Variants in ABTB3 observed in about 807,000 individuals in gnomAD.
ABTB3 encodes ankyrin repeat and BTB domain containing 3.
chr12:107,590,717 C>A, the ABTB3 span, among the ~76,000 whole-genome samples: 1 of 152,186 alleles, frequency 6.6e-6, no homozygotes, highest in Non-Finnish European at 1.5e-5. Context: ...ACACAGGGAA[C>A]TACATCTTAA....
the ABTB3 span, among the ~76,000 whole-genome samples, chr12:107,420,441 G>A: frequency 6.6e-6 from 1 of 152,186 alleles, no homozygotes; most frequent in African/African-American, 2.4e-5. Flanking sequence ...GCAGGCAAGA[G>A]AGCATGTGCA....
chr12:107,498,315 C>T, the ABTB3 span, among the ~76,000 whole-genome samples: 1 of 152,202 alleles, frequency 6.6e-6, no homozygotes, highest in Non-Finnish European at 1.5e-5. Context: ...GTCTGGACTT[C>T]TAGGAAGATA....
At chr12:107,546,050 T>A in the ABTB3 span, among the ~76,000 whole-genome samples, 2 of 152,204 alleles carry the variant, frequency 1.3e-5, no homozygotes, top group African/African-American at 4.8e-5. Context: ...TGATTCTTCT[T>A]CTCCTAGCAT....
chr12:107,341,356 A>G, the ABTB3 span, among the ~76,000 whole-genome samples: 1 of 152,170 alleles, frequency 6.6e-6, no homozygotes. Flanking sequence ...GGAGTCTAGC[A>G]GTGAATGAGA....
the ABTB3 span, chr12:107,651,641 C>A: frequency 6.6e-7 from 1 of 1,526,668 alleles, no homozygotes; most frequent in South Asian, 1.1e-5. Context: ...ATCCACCTCC[C>A]AGCCTCTAAC....
chr12:107,485,070 A>G, the ABTB3 span, among the ~76,000 whole-genome samples: 1 of 152,158 alleles, frequency 6.6e-6, no homozygotes, highest in Non-Finnish European at 1.5e-5. Flanking sequence ...GCATGTAAGA[A>G]CCATAAGCTG....
the ABTB3 span, chr12:107,319,439 G>T: frequency 6.2e-7 from 1 of 1,607,452 alleles, no homozygotes; most frequent in Non-Finnish European, 8.5e-7. Context: ...GAGCGCCATG[G>T]AGATCGTGCT....
the ABTB3 span, among the ~76,000 whole-genome samples, chr12:107,376,482 C>A: frequency 6.6e-6 from 1 of 152,134 alleles, no homozygotes; most frequent in Non-Finnish European, 1.5e-5. Flanking sequence ...TTATATTCAC[C>A]CTAACACCTC....
the ABTB3 span, among the ~76,000 whole-genome samples, chr12:107,422,520 A>T: frequency 2.0e-5 from 3 of 152,364 alleles, no homozygotes; most frequent in African/African-American, 7.2e-5. Flanking sequence ...GTAGAAAGAT[A>T]AGAGGGAAAC....
the ABTB3 span, among the ~76,000 whole-genome samples, chr12:107,530,629 T>G: frequency 6.6e-6 from 1 of 152,242 alleles, no homozygotes; most frequent in Non-Finnish European, 1.5e-5. Flanking sequence ...CTACTTAACA[T>G]TTTAATATGA....
the ABTB3 span, among the ~76,000 whole-genome samples, chr12:107,469,930 CTCTCTTTCTT>C: frequency 1.0e-5 from 1 of 99,754 alleles, no homozygotes; most frequent in South Asian, 3.2e-4. Flanking sequence ...TTCTCTCTCT[CTCTCTTTCTT>C]TCTCTTTCTT....
the ABTB3 span, among the ~76,000 whole-genome samples, chr12:107,324,944 G>C: frequency 6.6e-6 from 1 of 152,110 alleles, no homozygotes; most frequent in African/African-American, 2.4e-5. Context: ...GTACAGTGAG[G>C]ATTACAAAAC....
At chr12:107,328,243 T>G in the ABTB3 span, among the ~76,000 whole-genome samples, 1 of 152,202 alleles carries the variant, frequency 6.6e-6, no homozygotes, top group Non-Finnish European at 1.5e-5. Flanking sequence ...ATGAATTTGC[T>G]TAAGGTGACA....
chr12:107,477,897 G>A, the ABTB3 span, among the ~76,000 whole-genome samples: 1 of 152,246 alleles, frequency 6.6e-6, no homozygotes, highest in African/African-American at 2.4e-5. Context: ...GGAAAACCTA[G>A]TCAGTTATAC....
chr12:107,343,588 A>G, the ABTB3 span, among the ~76,000 whole-genome samples: 1 of 152,168 alleles, frequency 6.6e-6, no homozygotes, highest in African/African-American at 2.4e-5. Flanking sequence ...CTCTTTTACA[A>G]CAGTCCAAGG....
the ABTB3 span, among the ~76,000 whole-genome samples, chr12:107,352,789 A>G: frequency 0.23 from 35,102 of 152,048 alleles, 4,819 homozygotes; most frequent in South Asian, 0.37. Context: ...TGGGCAGAGA[A>G]GAGATGGGGG....
At chr12:107,417,167 C>T in the ABTB3 span, among the ~76,000 whole-genome samples, 13 of 152,280 alleles carry the variant, frequency 8.5e-5, no homozygotes, top group Admixed American at 2.6e-4. Context: ...TTCATCCAAG[C>T]GTAGGTACAC....
chr12:107,389,484 C>T, the ABTB3 span, among the ~76,000 whole-genome samples: 1 of 152,196 alleles, frequency 6.6e-6, no homozygotes, highest in Non-Finnish European at 1.5e-5. Flanking sequence ...CACTTCCCCA[C>T]AGTGACATTC....
At chr12:107,451,996 CTT>C in the ABTB3 span, among the ~76,000 whole-genome samples, 2 of 152,124 alleles carry the variant, frequency 1.3e-5, no homozygotes, top group Admixed American at 1.3e-4. Flanking sequence ...AGATGTGCCT[CTT>C]TTGAGCTTCT....
Sources: gnomAD v4.1 joint callset for allele counts (sites outside exome capture counted in the v4.1 genomes callset) on GRCh38, gnomAD v4.1.1 for gene constraint, MANE v1.5 for transcripts, NCBI Gene and HGNC (gene_info 2026-07-23, HGNC 2026-07-21) for gene names.